The following TRPM3 variants were observed in gnomAD, a reference collection of about 807,000 sequenced individuals.
TRPM3 encodes transient receptor potential cation channel subfamily M member 3.
Under a neutral mutation model 181.2 loss-of-function variants are expected in TRPM3, and 77 were observed. That is an observed-to-expected ratio of 0.42 (90% CI 0.35 to 0.51). The LOEUF (loss-of-function observed/expected upper bound fraction) is 0.51. Ranked by LOEUF, TRPM3 falls within the 20% of genes least tolerant of loss-of-function variation. The pLI is 0.01. For synonymous variants in TRPM3, 745 were observed against 796.4 expected, an observed-to-expected ratio of 0.94 and a Z score of 1.09; for missense variants, 1,759 against 2,196.7, an observed-to-expected ratio of 0.80 and a Z score of 3.98.
chr9:71,329,198 T>G (rs918670800), intron 1 of TRPM3, among the ~76,000 whole-genome samples: 2 of 152,250 alleles, frequency 1.3e-5, no homozygotes, highest in Non-Finnish European at 2.9e-5. Context: ...AGAATAGTGA[T>G]GTAGCTATGC....
intron 1 of TRPM3, among the ~76,000 whole-genome samples, chr9:70,972,406 A>G (rs1275953591): frequency 6.6e-6 from 1 of 152,206 alleles, no homozygotes; most frequent in Non-Finnish European, 1.5e-5. Context: ...CTCCACTTAC[A>G]TTAAATGTTC....
chr9:70,997,041 G>T (rs1564930327), intron 1 of TRPM3, among the ~76,000 whole-genome samples: 2 of 152,114 alleles, frequency 1.3e-5, no homozygotes, highest in African/African-American at 4.8e-5. Flanking sequence ...TTAATAAATG[G>T]AATATGGTTT....
chr9:70,558,339 C>T (rs532402801), intron 22 of TRPM3, among the ~76,000 whole-genome samples: 3 of 152,274 alleles, frequency 2.0e-5, no homozygotes, highest in African/African-American at 7.2e-5. Flanking sequence ...TTGACTGATA[C>T]AATTACCCCC....
intron 1 of TRPM3, among the ~76,000 whole-genome samples, chr9:70,868,333 T>C (rs1303761203): frequency 2.0e-5 from 3 of 152,008 alleles, no homozygotes; most frequent in African/African-American, 4.8e-5. Context: ...GACACTCACA[T>C]TGAACAAAGT....
At chr9:70,906,299 A>G (rs12555874) in intron 1 of TRPM3, among the ~76,000 whole-genome samples, 1,746 of 152,264 alleles carry the variant, frequency 0.011, 28 homozygotes, top group Admixed American at 0.029. Flanking sequence ...AGGAGGGATG[A>G]AAAGAAAATC....
chr9:71,224,836 CAG>C (rs1337471085), intron 1 of TRPM3, among the ~76,000 whole-genome samples: 2 of 151,570 alleles, frequency 1.3e-5, no homozygotes, highest in South Asian at 2.1e-4. Context: ...AAGAATGCAT[CAG>C]AGTCTCTTAA....
chr9:70,989,735 C>A (rs2097458604), intron 1 of TRPM3, among the ~76,000 whole-genome samples: 1 of 152,114 alleles, frequency 6.6e-6, no homozygotes, highest in Non-Finnish European at 1.5e-5. Context: ...GGCATTCATC[C>A]TAATTATATC....
At chr9:71,384,992 A>T (rs1372320398) in intron 1 of TRPM3, among the ~76,000 whole-genome samples, 1 of 152,216 alleles carries the variant, frequency 6.6e-6, no homozygotes. Context: ...TATAACCAAG[A>T]AATTAGAAAA....
At chr9:71,105,137 T>C (rs1330587251) in intron 1 of TRPM3, among the ~76,000 whole-genome samples, 1 of 152,174 alleles carries the variant, frequency 6.6e-6, no homozygotes. Context: ...ATGCACAGAA[T>C]GACAGACTGA....
intron 7 of TRPM3, among the ~76,000 whole-genome samples, chr9:70,764,819 G>T (rs563643885): frequency 6.6e-6 from 1 of 152,228 alleles, no homozygotes; most frequent in South Asian, 2.1e-4. Flanking sequence ...CCTTCTGATT[G>T]CAACAAGAAG....
intron 1 of TRPM3, among the ~76,000 whole-genome samples, chr9:71,273,462 T>C (rs1240645737): frequency 6.6e-6 from 1 of 152,204 alleles, no homozygotes; most frequent in Non-Finnish European, 1.5e-5. Flanking sequence ...CATAAGACCA[T>C]AGAGACAGCA....
chr9:70,841,877 G>T (rs1358473538), intron 5 of TRPM3, among the ~76,000 whole-genome samples: 2 of 151,592 alleles, frequency 1.3e-5, no homozygotes, highest in African/African-American at 2.4e-5. Flanking sequence ...TGGGGGCAAA[G>T]TACTAGGCAC....
At chr9:71,384,756 TG>T (rs2132897176) in intron 1 of TRPM3, among the ~76,000 whole-genome samples, 1 of 152,356 alleles carries the variant, frequency 6.6e-6, no homozygotes, top group East Asian at 1.9e-4. Flanking sequence ...CATTAAATTC[TG>T]TAAGAACACC....
chr9:71,304,068 A>T (rs951197137), intron 1 of TRPM3, among the ~76,000 whole-genome samples: 1 of 152,140 alleles, frequency 6.6e-6, no homozygotes, highest in Admixed American at 6.5e-5. Flanking sequence ...TTATGAACAC[A>T]GACACATACA....
chr9:70,926,379 T>A (rs539147721), intron 1 of TRPM3, among the ~76,000 whole-genome samples: 1 of 152,308 alleles, frequency 6.6e-6, no homozygotes, highest in South Asian at 2.1e-4. Context: ...TGTGGCCATA[T>A]AATGCAGAGA....
chr9:71,374,410 A>T (rs1335765942), intron 1 of TRPM3, among the ~76,000 whole-genome samples: 2 of 152,026 alleles, frequency 1.3e-5, no homozygotes, highest in Non-Finnish European at 2.9e-5. Context: ...AAAACAAAAA[A>T]AACCACTCTC....
At chr9:70,545,548 C>CTTTTTTTTTT (rs5898150) in intron 25 of TRPM3, among the ~76,000 whole-genome samples, 1,846 of 112,976 alleles carry the variant, frequency 0.016, 26 homozygotes, top group Non-Finnish European at 0.022. Context: ...AATTTTCTTT[C>CTTTTTTTTTT]TTTTTTTTTT....
At chr9:71,135,251 T>G (rs1427344332) in intron 1 of TRPM3, among the ~76,000 whole-genome samples, 1 of 152,194 alleles carries the variant, frequency 6.6e-6, no homozygotes, top group Non-Finnish European at 1.5e-5. Context: ...TAGCTTTCTC[T>G]TTATACAAAT....
At chr9:71,296,676 A>T (rs2086284633) in intron 1 of TRPM3, among the ~76,000 whole-genome samples, 1 of 152,158 alleles carries the variant, frequency 6.6e-6, no homozygotes, top group Non-Finnish European at 1.5e-5. Context: ...ATATATTTTT[A>T]AACTAGCACT....
Sources: allele counts gnomAD v4.1 joint callset (sites outside exome capture counted in the v4.1 genomes callset), GRCh38; gene constraint gnomAD v4.1.1; transcripts MANE v1.5; gene names NCBI Gene and HGNC (gene_info 2026-07-23, HGNC 2026-07-21).